POSTN: variants seen among roughly 807,000 people sequenced by gnomAD.
The protein encoded by POSTN is osteoblast specific factor 2 (fasciclin I-like).
In POSTN, 71 loss-of-function variants were observed where a neutral mutation model predicts 104.5. The ratio of observed to expected loss-of-function variants is 0.68; its 90% CI spans 0.56 to 0.83. The LOEUF is 0.83. POSTN is among the 40% of genes least tolerant of loss of function. The pLI is 0.00. For synonymous variants in POSTN, 355 were observed against 340.7 expected (o/e 1.04, Z -0.46); for missense variants, 949 against 1,006.8 (o/e 0.94, Z 0.78).
At chr13:37,589,147 T>G (rs775415158) in intron 4 of POSTN, among the ~76,000 whole-genome samples, 10 of 152,108 alleles carry the variant, frequency 6.6e-5, no homozygotes, top group Non-Finnish European at 1.5e-4. Flanking sequence ...AAGATGCAGA[T>G]GGTATATCCA....
intron 10 of POSTN, 136 bp downstream of exon 10, chr13:37,582,230 G>C (rs980001131): frequency 2.1e-6 from 2 of 973,808 alleles, no homozygotes; most frequent in African/African-American, 3.3e-5. Context: ...TTTCACCCAA[G>C]CTACCCAGTT....
intron 4 of POSTN, among the ~76,000 whole-genome samples, chr13:37,589,634 G>A (rs755292592): frequency 6.6e-5 from 10 of 152,120 alleles, no homozygotes; most frequent in Non-Finnish European, 1.5e-4. Flanking sequence ...GAGATGCGGT[G>A]AAAGACAACC....
chr13:37,579,054 A>G lies in POSTN; in HGVS notation c.1859T>C (p.Val620Ala). The G allele has an allele frequency of 6.2e-7, 1 of 1,613,414 alleles. No individual in the cohort carries two copies. The stretch of plus-strand genomic sequence containing the variant: ...GAGGAGTTTATCTACAACATGAATT[A>G]CACCATTTGTTGTCATGATGTCAGA... ...KESDIMTTNG[V>A]IHVVDKLLYP... Residue 620 changes from valine to alanine, a missense_variant, in exon 14 of 23, where the codon GTA becomes GCA. Val to Ala is a moderately conservative substitution (Grantham distance 64). Coordinates refer to ENST00000379747, the MANE Select transcript of POSTN (RefSeq NM_006475.3).
At chr13:37,596,364 C>A (rs182260688) in intron 2 of POSTN, among the ~76,000 whole-genome samples, 1 of 152,228 alleles carries the variant, frequency 6.6e-6, no homozygotes, top group East Asian at 1.9e-4. Flanking sequence ...TATGACTGGT[C>A]TCCCTCATTG....
At chr13:37,580,517 C>A in intron 11 of POSTN, 44 bp downstream of exon 11, 4 of 1,608,972 alleles carry the variant, frequency 2.5e-6, no homozygotes, top group Non-Finnish European at 3.4e-6. Flanking sequence ...CAAAAATATG[C>A]CAATAGCTCT....
rs1181645741 is a variant in POSTN at position 37,574,660 on chromosome 13, T to C, written c.2009-8A>G. ...TGGTTATAATTTTAGTTGCTGAAAG[T>C]ATAGAAAGTGGAACATGAAAAATAT... On this transcript the variant is annotated splice_polypyrimidine_tract_variant and splice_region_variant and intron_variant, in intron 16 of 22. Coordinates refer to ENST00000379747, the MANE Select transcript of POSTN (RefSeq NM_006475.3). 1.3e-5 allele frequency: 20 copies of C among 1,579,094 alleles called. No individual in the cohort carries two copies. The highest frequency in any genetic ancestry group is 1.6e-5 in the Non-Finnish European group (19 of 1,169,152).
intron 20 of POSTN, 67 bp from the exon 21 acceptor site, chr13:37,569,450 T>C: frequency 8.3e-7 from 1 of 1,198,166 alleles, no homozygotes; most frequent in Non-Finnish European, 1.2e-6. Context: ...AGACTTTATG[T>C]CATAAATAAT....
intron 9 of POSTN, among the ~76,000 whole-genome samples, chr13:37,583,652 T>A (rs1924285): frequency 0.27 from 41,445 of 151,786 alleles, 6,368 homozygotes; most frequent in Non-Finnish European, 0.35. Context: ...CTCAAACTCC[T>A]GATCTCAAGT....
intron 1 of POSTN, among the ~76,000 whole-genome samples, chr13:37,598,266 T>C (rs1415653020): frequency 6.6e-6 from 1 of 152,122 alleles, no homozygotes; most frequent in African/African-American, 2.4e-5. Context: ...ATAGATTTTT[T>C]AATTTTGAAA....
chr13:37,582,224 A>T, intron 10 of POSTN, 142 bp downstream of exon 10: 1 of 899,340 alleles, frequency 1.1e-6, no homozygotes. Context: ...CAGTCTTTTC[A>T]CCCAAGCTAC....
At chr13:37,585,728 C>T (rs137984415) in intron 7 of POSTN, among the ~76,000 whole-genome samples, 2 of 152,122 alleles carry the variant, frequency 1.3e-5, no homozygotes, top group Non-Finnish European at 2.9e-5. Flanking sequence ...TGGAAAGCCA[C>T]CAAATTCTTA....
At chr13:37,567,085 C>A (rs9566233) in intron 21 of POSTN, among the ~76,000 whole-genome samples, 98,512 of 141,882 alleles carry the variant, frequency 0.69, 34,560 homozygotes, top group East Asian at 0.83. Flanking sequence ...AAATACAAAA[C>A]ATTAGCCGGG....
chr13:37,569,252 C>A, intron 21 of POSTN, 48 bp downstream of exon 21: 2 of 1,364,574 alleles, frequency 1.5e-6, no homozygotes, highest in South Asian at 2.5e-5. Context: ...AAGTTGAACT[C>A]AGTCACTAGA....
At chr13:37,565,784 A>G (rs1950081479) in intron 21 of POSTN, among the ~76,000 whole-genome samples, 2 of 152,134 alleles carry the variant, frequency 1.3e-5, no homozygotes, top group Admixed American at 6.5e-5. Flanking sequence ...GTTATGAAAT[A>G]TTCTCCAACA....
intron 7 of POSTN, 114 bp downstream of exon 7, chr13:37,586,025 A>T: frequency 9.7e-7 from 1 of 1,028,236 alleles, no homozygotes; most frequent in Non-Finnish European, 1.4e-6. Context: ...TCAGAATAAA[A>T]ATTTTTCCCT....
intron 22 of POSTN, 35 bp from the exon 23 acceptor site, chr13:37,563,405 A>G (rs771220004): frequency 1.4e-6 from 2 of 1,389,354 alleles, no homozygotes; most frequent in South Asian, 2.9e-5. Flanking sequence ...ATAGACTGTA[A>G]ATGTTAGGAA....
At chr13:37,580,021 T>A in intron 11 of POSTN, 30 bp from the exon 12 acceptor site, 1 of 1,602,104 alleles carries the variant, frequency 6.2e-7, no homozygotes, top group Non-Finnish European at 8.5e-7. Context: ...ATGTATTTTG[T>A]CAGATTTAGA....
rs1951036955 is a variant in POSTN at position 37,594,723 on chromosome 13, G to A, written c.218+2461C>T. ...CTAGGAAGCTTCACGTTTTTCATTA[G>A]GCCTGCTCAGTTTACTTTTCTCAAA... On this transcript the variant is annotated intron_variant, in intron 2 of 22. Transcript: ENST00000379747. Among the ~76,000 whole-genome samples, 3 of 150,754 alleles carry A rather than the reference G, an allele frequency of 2.0e-5. No individual in the cohort carries two copies. The South Asian group carries it at 6.3e-4, about 32-fold the overall frequency.
At chr13:37,582,881 T>A (rs17056104) in intron 9 of POSTN, among the ~76,000 whole-genome samples, 4,550 of 152,246 alleles carry the variant, frequency 0.03, 213 homozygotes, top group African/African-American at 0.1. Context: ...TACTGATGAA[T>A]CCTTTGTAAA....
Sources: gnomAD v4.1 joint callset for allele counts (sites outside exome capture counted in the v4.1 genomes callset) on GRCh38, gnomAD v4.1.1 for gene constraint, MANE v1.5 for transcripts, NCBI Gene and HGNC (gene_info 2026-07-23, HGNC 2026-07-21) for gene names.